NPAS2: variants seen among roughly 807,000 people sequenced by gnomAD.
NPAS2 encodes neuronal PAS domain-containing protein 2.
A neutral mutation model predicts 107.5 loss-of-function variants in NPAS2; 23 were observed. That is an observed-to-expected ratio of 0.21 (90% CI 0.15 to 0.30). The LOEUF is 0.30. NPAS2 is among the 10% of genes least tolerant of loss of function. The pLI is 1.00. For missense variants in NPAS2, 756 were observed against 1,043.3 expected, an observed-to-expected ratio of 0.72 and a Z score of 3.79; for synonymous variants, 403 against 417.5, an observed-to-expected ratio of 0.97 and a Z score of 0.42.
intron 2 of NPAS2, among the ~76,000 whole-genome samples, chr2:100,916,860 C>CAGAA (rs1272470132): frequency 6.6e-6 from 1 of 152,092 alleles, no homozygotes; most frequent in Admixed American, 6.6e-5. Flanking sequence ...AAATTAGAAA[C>CAGAA]AGAAAGATAG....
chr2:100,867,627 A>G (rs1481575904), intron 1 of NPAS2, among the ~76,000 whole-genome samples: 2 of 152,308 alleles, frequency 1.3e-5, no homozygotes, highest in East Asian at 3.9e-4. Flanking sequence ...GTTTTAAAAC[A>G]TCCTGTGTGA....
intron 1 of NPAS2, among the ~76,000 whole-genome samples, chr2:100,896,889 A>T (rs925314157): frequency 6.6e-6 from 1 of 152,064 alleles, no homozygotes; most frequent in South Asian, 2.1e-4. Flanking sequence ...TAATATGGGT[A>T]AGGAGCTTGT....
Position 100,925,297 on chromosome 2 carries a change from A to G in NPAS2, c.181+3A>G. The G allele has an allele frequency of 1.2e-6, 2 of 1,613,926 alleles. No individual in the cohort carries two copies. Among genetic ancestry groups the G allele is most frequent in the Non-Finnish European group, 1.7e-6 (2 of 1,179,942 alleles). On this transcript the variant is annotated splice_donor_region_variant and intron_variant, in intron 3 of 20. Coordinates refer to ENST00000335681, the MANE Select transcript of NPAS2 (RefSeq NM_002518.4). ...CGGATTTTTGCAGAAACACAATGGT[A>G]AAGGTCACCCTTCTCTCTGTTTTTT...
chr2:100,910,027 A>G (rs1267765657), intron 2 of NPAS2, among the ~76,000 whole-genome samples: 1 of 152,118 alleles, frequency 6.6e-6, no homozygotes, highest in Non-Finnish European at 1.5e-5. Context: ...GGTGTCTGGC[A>G]GGCTTAGAAA....
chr2:100,988,884 C>G (rs1335539400), intron 17 of NPAS2: 2 of 259,180 alleles, frequency 7.7e-6, no homozygotes, highest in Non-Finnish European at 1.5e-5. Context: ...CCTCCAGGCG[C>G]CCCCTGCCCC....
chr2:100,989,901 A>G (rs1678013354), intron 17 of NPAS2: 1 of 225,906 alleles, frequency 4.4e-6, no homozygotes, highest in African/African-American at 2.3e-5. Context: ...GGGGAAGAGC[A>G]TTCTACAGAG....
At chr2:100,833,262 T>C (rs949322567) in intron 1 of NPAS2, among the ~76,000 whole-genome samples, 5 of 152,346 alleles carry the variant, frequency 3.3e-5, no homozygotes, top group African/African-American at 1.2e-4. Context: ...ATAAACCCCA[T>C]GACTCAGTTT....
chr2:100,829,712 A>T (rs1676610914), intron 1 of NPAS2, among the ~76,000 whole-genome samples: 1 of 152,142 alleles, frequency 6.6e-6, no homozygotes, highest in South Asian at 2.1e-4. Flanking sequence ...AAGTGGTGAG[A>T]GTGGGCATCC....
chr2:100,979,840 T>C (rs774408533), intron 15 of NPAS2, among the ~76,000 whole-genome samples: 2 of 152,150 alleles, frequency 1.3e-5, no homozygotes, highest in Non-Finnish European at 2.9e-5. Flanking sequence ...AATAACTATA[T>C]TCTTTAAGAC....
chr2:100,829,009 T>C (rs1676560160), intron 1 of NPAS2, among the ~76,000 whole-genome samples: 2 of 152,212 alleles, frequency 1.3e-5, no homozygotes, highest in South Asian at 4.1e-4. Flanking sequence ...TTAATAATAT[T>C]GATTCTTCCA....
intron 1 of NPAS2, among the ~76,000 whole-genome samples, chr2:100,897,330 G>A (rs1681476538): frequency 6.6e-6 from 1 of 152,200 alleles, no homozygotes; most frequent in Non-Finnish European, 1.5e-5. Context: ...TGCCATCAAA[G>A]TAGAGAACCT....
intron 1 of NPAS2, among the ~76,000 whole-genome samples, chr2:100,889,488 A>G (rs1198325961): frequency 6.6e-6 from 1 of 152,100 alleles, no homozygotes; most frequent in African/African-American, 2.4e-5. Context: ...TATGATCCCC[A>G]CATCCCAGCT....
chr2:100,924,088 T>A (rs1015772029), intron 2 of NPAS2, among the ~76,000 whole-genome samples: 2 of 152,156 alleles, frequency 1.3e-5, no homozygotes, highest in Non-Finnish European at 2.9e-5. Flanking sequence ...ATAGACTTTA[T>A]TTTTTGGAGC....
chr2:100,939,006 C>T (rs984096939), intron 5 of NPAS2, among the ~76,000 whole-genome samples: 7 of 152,106 alleles, frequency 4.6e-5, no homozygotes, highest in Non-Finnish European at 7.3e-5. Flanking sequence ...GCTGGAGGAC[C>T]GCGGTTCCCT....
chr2:100,888,752 A>G (rs1194717845), intron 1 of NPAS2, among the ~76,000 whole-genome samples: 2 of 152,172 alleles, frequency 1.3e-5, no homozygotes, highest in Non-Finnish European at 2.9e-5. Context: ...GTGTGTAGCA[A>G]CATGCCTTGG....
At chr2:100,959,126 C>T (rs1022812814) in intron 7 of NPAS2, among the ~76,000 whole-genome samples, 5 of 141,518 alleles carry the variant, frequency 3.5e-5, no homozygotes, top group African/African-American at 8.4e-5. Context: ...TAAAATTAGC[C>T]AGGCATGGTG....
intron 1 of NPAS2, among the ~76,000 whole-genome samples, chr2:100,895,087 G>A (rs1467563697): frequency 6.8e-6 from 1 of 147,918 alleles, no homozygotes; most frequent in African/African-American, 2.6e-5. Flanking sequence ...GCGTATGTGT[G>A]TCTGTCTGTC....
rs569463628 is a variant in NPAS2 at position 100,981,005 on chromosome 2, G to A, written c.1483-1226G>A. ...GGGCTCGTCGTGAAGCACAACACAC[G>A]TACCTCTACTTGCCTGGGGCAGCAG... On this transcript the variant is annotated intron_variant, in intron 15 of 20. Transcript: ENST00000335681. 1.2e-4 allele frequency among the ~76,000 whole-genome samples: 19 copies of A among 152,050 alleles called. No individual in the cohort carries two copies. In the East Asian group the frequency reaches 2.1e-3, roughly 17 times the overall value.
intron 1 of NPAS2, among the ~76,000 whole-genome samples, chr2:100,878,987 G>T (rs1680156201): frequency 6.6e-6 from 1 of 152,016 alleles, no homozygotes; most frequent in Admixed American, 6.6e-5. Context: ...AGGCATGGTG[G>T]CATACAATGT....
Sources: gnomAD v4.1 joint callset for allele counts (sites outside exome capture counted in the v4.1 genomes callset) on GRCh38, gnomAD v4.1.1 for gene constraint, MANE v1.5 for transcripts, NCBI Gene and HGNC (gene_info 2026-07-23, HGNC 2026-07-21) for gene names.